Variants in ABCA9 observed in about 807,000 individuals in gnomAD.
ABCA9 encodes ATP binding cassette subfamily A member 9.
Under a neutral mutation model 205.3 loss-of-function variants are expected in ABCA9, and 183 were observed. The observed-to-expected ratio is 0.89, with a 90% CI of 0.79 to 1.01. ABCA9 has a LOEUF of 1.01. ABCA9 is among the 50% of genes least tolerant of loss of function. The pLI is 0.00. For missense variants in ABCA9, 1,805 were observed against 1,912.4 expected (o/e 0.94, Z 1.05); for synonymous variants, 651 against 683.3 (o/e 0.95, Z 0.74).
intron 27 of ABCA9, 155 bp from the exon 28 acceptor site, chr17:68,992,421 T>C: frequency 2.0e-6 from 1 of 512,618 alleles, no homozygotes; most frequent in Non-Finnish European, 3.4e-6. Flanking sequence ...TCTTTGAAAC[T>C]GTCAAAGTTA....
At chr17:69,040,197 C>A (rs562833463) in intron 6 of ABCA9, among the ~76,000 whole-genome samples, 3 of 152,278 alleles carry the variant, frequency 2.0e-5, no homozygotes, top group African/African-American at 7.2e-5. Context: ...CCAGCAATCC[C>A]ATTACTGGGT....
intron 34 of ABCA9, 147 bp from the exon 35 acceptor site, chr17:68,984,322 C>T (rs746215993): frequency 8.7e-5 from 86 of 990,480 alleles, no homozygotes; most frequent in East Asian, 4.0e-4. Context: ...ATGACAGGCA[C>T]GGAAACCAAA....
Position 68,996,012 on chromosome 17 carries a change from C to T in ABCA9, c.3438G>A (p.Val1146=), listed in dbSNP as rs1181665462. ...CAGTAGCAACTATCGAGAAGATGAC[C>T]ACCTAAAACAAATGCACAGTATAGC... ...SGIWSFFFLI[V]VIFSIVATDL... The change falls in exon 26 of 39, where the codon GTG becomes GTA. Residue 1146 remains valine, a splice_region_variant and synonymous_variant. Transcript: ENST00000340001. The T allele has an allele frequency of 6.2e-7, 1 of 1,613,210 alleles. No individual in the cohort carries two copies. The highest frequency in any genetic ancestry group is 1.1e-5 in the South Asian group (1 of 91,048).
intron 22 of ABCA9, among the ~76,000 whole-genome samples, chr17:69,012,742 ATTATACTCTT>A (rs1380435981): frequency 6.6e-6 from 1 of 152,174 alleles, no homozygotes; most frequent in African/African-American, 2.4e-5. Context: ...AAACAATCCA[ATTATACTCTT>A]TTAGTTATTT....
intron 25 of ABCA9, among the ~76,000 whole-genome samples, chr17:69,005,664 G>A (rs1400919751): frequency 6.6e-6 from 1 of 152,152 alleles, no homozygotes; most frequent in Non-Finnish European, 1.5e-5. Context: ...GTTCTACCCT[G>A]CTCTACGAAC....
chr17:68,975,742 C>T lies in ABCA9; in HGVS notation c.*173G>A, dbSNP rs769801684. ...ATGGCTTAGGCTTATGCCCTATGAT[C>T]GCCCTCACTGACATCGCCTGTTGTC... On this transcript the variant is annotated 3_prime_UTR_variant, in exon 39 of 39. Transcript: ENST00000340001. The T allele has an allele frequency of 9.9e-5, 59 of 597,656 alleles. No individual in the cohort carries two copies. Among genetic ancestry groups the T allele is most frequent in the Non-Finnish European group, 1.5e-4 (50 of 338,738 alleles). 37.0% of individuals were successfully genotyped at this position (597,656 alleles called of 1,614,324 possible). A position where few individuals can be genotyped will look rare whatever the true frequency, so the allele number is the denominator to read the frequency against.
chr17:69,028,909 A>G (rs899731266), intron 11 of ABCA9, among the ~76,000 whole-genome samples: 2 of 152,220 alleles, frequency 1.3e-5, no homozygotes, highest in African/African-American at 2.4e-5. Context: ...TTAGAGCTGG[A>G]GAATAAGATG....
chr17:69,073,703 A>G, the ABCA9 span, among the ~76,000 whole-genome samples: 3 of 152,186 alleles, frequency 2.0e-5, no homozygotes, highest in East Asian at 5.8e-4. Flanking sequence ...GAGAAGCAAG[A>G]GCAAACAAAT....
At chr17:69,012,246 T>C (rs2070406189) in intron 22 of ABCA9, 163 bp from the exon 23 acceptor site, 1 of 520,736 alleles carries the variant, frequency 1.9e-6, no homozygotes, top group Non-Finnish European at 3.4e-6. Context: ...CAATCCTGTA[T>C]TGCAGCAACT....
chr17:69,006,517 G>C (rs376892712), intron 25 of ABCA9, among the ~76,000 whole-genome samples: 1 of 152,144 alleles, frequency 6.6e-6, no homozygotes, highest in Non-Finnish European at 1.5e-5. Context: ...ATAACCTATT[G>C]TCGATTATAT....
intron 9 of ABCA9, 100 bp downstream of exon 9, chr17:69,033,626 G>A: frequency 9.3e-7 from 1 of 1,072,396 alleles, no homozygotes; most frequent in Non-Finnish European, 1.3e-6. Context: ...TAGAAATTTT[G>A]AAAAACTGCT....
At chr17:69,052,024 C>T (rs774571198) in intron 1 of ABCA9, among the ~76,000 whole-genome samples, 2 of 152,058 alleles carry the variant, frequency 1.3e-5, no homozygotes, top group East Asian at 1.9e-4. Context: ...TTGTGTGCCA[C>T]GAACTTAAGA....
At chr17:68,984,574 T>A (rs2069168492) in intron 34 of ABCA9, among the ~76,000 whole-genome samples, 1 of 152,194 alleles carries the variant, frequency 6.6e-6, no homozygotes, top group Non-Finnish European at 1.5e-5. Context: ...CTTTTTTTCC[T>A]CCATAGGAAT....
At position 69,027,182 on chromosome 17, in the gene ABCA9, C is replaced by T. The variant is rs946582729; in HGVS notation, c.1912-68G>A. The T allele has an allele frequency of 2.5e-6, 4 of 1,582,256 alleles. No individual in the cohort carries two copies. In the African/African-American group the frequency reaches 4.1e-5, roughly 16 times the overall value. ...TAAGATCCTTTTAAAAAGCACTGTA[C>T]TTTTAAAAGTATTTGGGAGAAACTT... On this transcript the variant is annotated intron_variant, in intron 14 of 38. Transcript: ENST00000340001.
chr17:68,998,197 T>G (rs2069700157), intron 25 of ABCA9, among the ~76,000 whole-genome samples: 1 of 152,242 alleles, frequency 6.6e-6, no homozygotes, highest in Non-Finnish European at 1.5e-5. Flanking sequence ...ACATCTTGGT[T>G]GCTTCCAAGT....
At position 68,989,045 on chromosome 17, in the gene ABCA9, T is replaced by G. The variant is rs760908516; in HGVS notation, c.4029A>C (p.Thr1343=). 13 of 1,612,378 alleles carry G rather than the reference T, an allele frequency of 8.1e-6. No homozygotes were observed. Among genetic ancestry groups the G allele is most frequent in the Non-Finnish European group, 1.0e-5 (12 of 1,178,524 alleles). The change falls in exon 31 of 39, where the codon ACA becomes ACC. Residue 1343 remains threonine, a synonymous_variant. Transcript: ENST00000340001. ...TACTGACCTGTCCTGCAGTTGGTTT[T>G]GTGTCTCCAGTTATCATCTTAATAG... ...STTIKMITGD[T]KPTAGQVILK...
At chr17:68,982,007 G>C (rs1353936482) in intron 37 of ABCA9, among the ~76,000 whole-genome samples, 6 of 152,126 alleles carry the variant, frequency 3.9e-5, no homozygotes, top group Non-Finnish European at 5.9e-5. Context: ...CATTGATGCA[G>C]TATGCAAAGA....
chr17:69,006,154 C>T (rs534886833), intron 25 of ABCA9, among the ~76,000 whole-genome samples: 7 of 152,216 alleles, frequency 4.6e-5, no homozygotes, highest in Non-Finnish European at 7.3e-5. Flanking sequence ...AAATGTGAGG[C>T]ATCCCCCATA....
At chr17:69,013,096 T>C (rs2070443770) in intron 22 of ABCA9, among the ~76,000 whole-genome samples, 1 of 151,796 alleles carries the variant, frequency 6.6e-6, no homozygotes, top group Admixed American at 6.6e-5. Flanking sequence ...TATATGTACC[T>C]CATTTTCTTT....
Sources: gnomAD v4.1 joint callset for allele counts (sites outside exome capture counted in the v4.1 genomes callset) on GRCh38, gnomAD v4.1.1 for gene constraint, MANE v1.5 for transcripts, NCBI Gene and HGNC (gene_info 2026-07-23, HGNC 2026-07-21) for gene names.